Variants in LDLRAD3 observed in about 807,000 individuals in gnomAD.
The protein encoded by LDLRAD3 is low density lipoprotein receptor class A domain containing 3, also known as low-density lipoprotein receptor class A domain-containing protein 3.
LDLRAD3 carries 20 observed loss-of-function variants against 29.4 expected under a neutral mutation model. That is an observed-to-expected ratio of 0.68 (90% CI 0.48 to 0.99). The LOEUF (loss-of-function observed/expected upper bound fraction) is 0.99, where lower values mean the gene tolerates loss of function less well. Among genes scored for constraint, LDLRAD3 ranks in the 50% least tolerant of loss-of-function variants. The pLI, the probability that LDLRAD3 is intolerant of heterozygous loss-of-function variation, is 0.00. For missense variants in LDLRAD3, 420 were observed against 454.3 expected (o/e 0.92, Z 0.69); for synonymous variants, 157 against 192.7 (o/e 0.81, Z 1.53).
At chr11:35,992,659 T>C (rs937458375) in intron 1 of LDLRAD3, among the ~76,000 whole-genome samples, 51 of 152,288 alleles carry the variant, frequency 3.3e-4, no homozygotes, top group African/African-American at 1.1e-3. Context: ...TACATGGAGA[T>C]AGAAAGTAGA....
chr11:36,202,209 T>G lies in LDLRAD3; in HGVS notation c.455-24876T>G, dbSNP rs144909891. Among the ~76,000 whole-genome samples the G allele has an allele frequency of 7.6e-3, 1,159 of 152,124 alleles. 16 individuals are homozygous for G. Among genetic ancestry groups the G allele is most frequent in the African/African-American group, 0.027 (1,107 of 41,500 alleles). On this transcript the variant is annotated intron_variant, in intron 4 of 5. Coordinates refer to ENST00000315571, the MANE Select transcript of LDLRAD3 (RefSeq NM_174902.4). ...GGTGTGCACCACCACGCCCAGCTAA[T>G]TTTTGTATTTTTAGTAGAGAAGGCT...
chr11:36,006,533 C>T (rs948863603), intron 1 of LDLRAD3, among the ~76,000 whole-genome samples: 8 of 152,296 alleles, frequency 5.3e-5, no homozygotes, highest in Admixed American at 1.3e-4. Flanking sequence ...ACCTTGGGCT[C>T]GCTGCCTCTC....
intron 1 of LDLRAD3, among the ~76,000 whole-genome samples, chr11:35,981,396 C>T (rs1344557229): frequency 6.6e-6 from 1 of 152,116 alleles, no homozygotes; most frequent in Non-Finnish European, 1.5e-5. Context: ...ATAACGACCT[C>T]AGTGGGTGGC....
intron 4 of LDLRAD3, among the ~76,000 whole-genome samples, chr11:36,117,563 T>C (rs748259138): frequency 6.6e-6 from 1 of 152,230 alleles, no homozygotes; most frequent in African/African-American, 2.4e-5. Context: ...ATCAGAATTA[T>C]TAAACTAGGA....
chr11:36,008,411 C>A (rs1565158163), intron 1 of LDLRAD3, among the ~76,000 whole-genome samples: 1 of 152,100 alleles, frequency 6.6e-6, no homozygotes, highest in East Asian at 1.9e-4. Flanking sequence ...GTGTTGGGAC[C>A]TCTTCAAGGC....
chr11:36,004,797 A>G (rs866089857), intron 1 of LDLRAD3, among the ~76,000 whole-genome samples: 7 of 152,094 alleles, frequency 4.6e-5, no homozygotes, highest in African/African-American at 9.7e-5. Context: ...CCAAACCTCA[A>G]CTCTTGCCTT....
chr11:36,080,803 C>T (rs1408049703), intron 2 of LDLRAD3, among the ~76,000 whole-genome samples: 1 of 152,146 alleles, frequency 6.6e-6, no homozygotes, highest in Non-Finnish European at 1.5e-5. Context: ...GAGTCCTCTC[C>T]CAGTTGAGCC....
At chr11:35,997,642 C>T (rs534490477) in intron 1 of LDLRAD3, 91 of 195,092 alleles carry the variant, frequency 4.7e-4, no homozygotes, top group Non-Finnish European at 7.7e-4. Flanking sequence ...CTCAGGTATA[C>T]GACTTTGATC....
rs775865096 is a variant in LDLRAD3, at chr11:36,098,347, TC to T, written c.342del (p.Thr115ProfsTer46). 1 of 1,614,124 alleles carries T rather than the reference TC, an allele frequency of 6.2e-7. No individual in the cohort carries two copies. On this transcript the variant is annotated frameshift_variant, in exon 4 of 6. Coordinates refer to ENST00000315571, the MANE Select transcript of LDLRAD3 (RefSeq NM_174902.4). LOFTEE classifies it high-confidence loss of function. Reference sequence around the variant, plus strand: ...TGCAGCAGCAAACCCTCTGCTTTGCTCCACCGCCCGCTACCACTGCAAGAAC... The same window carrying T: ...TGCAGCAGCAAACCCTCTGCTTTGCTCACCGCCCGCTACCACTGCAAGAAC... ...ENCTANPLLC[S>X]TARYHCKNGL...
chr11:36,042,535 G>A (rs1852395525), intron 2 of LDLRAD3, among the ~76,000 whole-genome samples: 1 of 152,182 alleles, frequency 6.6e-6, no homozygotes, highest in Non-Finnish European at 1.5e-5. Context: ...TCACTCTGTA[G>A]AAAGCAGAAC....
intron 3 of LDLRAD3, among the ~76,000 whole-genome samples, chr11:36,096,292 C>T (rs1224039175): frequency 6.6e-6 from 1 of 152,222 alleles, no homozygotes; most frequent in Non-Finnish European, 1.5e-5. Context: ...GTTCACAACA[C>T]CTCAGCGAAG....
intron 1 of LDLRAD3, chr11:35,997,209 C>G: frequency 3.6e-6 from 1 of 280,408 alleles, no homozygotes; most frequent in Non-Finnish European, 6.9e-6. Flanking sequence ...GCTGGGGATT[C>G]TACCTGCACC....
At chr11:36,102,013 C>T (rs1272409988) in intron 4 of LDLRAD3, 3 of 198,812 alleles carry the variant, frequency 1.5e-5, no homozygotes, top group South Asian at 1.2e-4. Context: ...CTCAGCCTCC[C>T]GAGTAGCTGG....
At chr11:36,072,510 C>G (rs565022685) in intron 2 of LDLRAD3, among the ~76,000 whole-genome samples, 1 of 152,180 alleles carries the variant, frequency 6.6e-6, no homozygotes, top group African/African-American at 2.4e-5. Flanking sequence ...CAGTTCTGCT[C>G]CTGTGGGAGA....
At chr11:36,028,268 A>G (rs569255031) in intron 1 of LDLRAD3, among the ~76,000 whole-genome samples, 65 of 152,358 alleles carry the variant, frequency 4.3e-4, no homozygotes, top group African/African-American at 1.0e-3. Context: ...CATGCAGTCA[A>G]TAGGCATTTG....
Position 36,229,250 on chromosome 11 carries a change from C to A in LDLRAD3, c.891C>A (p.Ser297=). The A allele has an allele frequency of 1.9e-6, 3 of 1,614,102 alleles. No individual in the cohort carries two copies. Among genetic ancestry groups the A allele is most frequent in the Non-Finnish European group, 2.5e-6 (3 of 1,180,002 alleles). Residue 297 remains serine, a synonymous_variant, in exon 6 of 6, where the codon TCC becomes TCA. Coordinates refer to ENST00000315571, the MANE Select transcript of LDLRAD3 (RefSeq NM_174902.4). ...QADLPPYRSR[S]GSANSASSQA... is the part of the protein sequence containing the mutation. ...ACCTGCCCCCCTACCGCTCCCGGTC[C>A]GGGAGTGCCAACAGTGCCAGCTCCC...
intron 2 of LDLRAD3, among the ~76,000 whole-genome samples, chr11:36,051,633 G>A (rs569019498): frequency 3.3e-5 from 5 of 152,010 alleles, no homozygotes; most frequent in Admixed American, 6.6e-5. Flanking sequence ...GGTTGTAAAC[G>A]CTTGCCTGCC....
chr11:36,126,565 G>C (rs1853840956), intron 4 of LDLRAD3, among the ~76,000 whole-genome samples: 1 of 152,182 alleles, frequency 6.6e-6, no homozygotes, highest in African/African-American at 2.4e-5. Context: ...CCAGTTGTTG[G>C]CTGTGCCTTT....
intron 1 of LDLRAD3, among the ~76,000 whole-genome samples, chr11:36,006,772 A>G (rs771973615): frequency 2.6e-5 from 4 of 152,266 alleles, no homozygotes; most frequent in Non-Finnish European, 4.4e-5. Context: ...TGGTGCATAA[A>G]TAGTGCTCCA....
Sources: gnomAD v4.1 joint callset for allele counts (sites outside exome capture counted in the v4.1 genomes callset) on GRCh38, gnomAD v4.1.1 for gene constraint, MANE v1.5 for transcripts, NCBI Gene and HGNC (gene_info 2026-07-23, HGNC 2026-07-21) for gene names.